Variants in PRKG1 observed in about 807,000 individuals in gnomAD.
PRKG1 encodes protein kinase cGMP-dependent 1.
Under a neutral mutation model 88.1 loss-of-function variants are expected in PRKG1, and 35 were observed. That is an observed-to-expected ratio of 0.40 (90% CI 0.30 to 0.53). The LOEUF (loss-of-function observed/expected upper bound fraction) is 0.53, where lower values mean the gene tolerates loss of function less well. PRKG1 is among the 20% of genes least tolerant of loss of function. The pLI, the probability that PRKG1 is intolerant of heterozygous loss-of-function variation, is 0.59. For synonymous variants in PRKG1, 303 were observed against 292.5 expected, an observed-to-expected ratio of 1.04 and a Z score of -0.37; for missense variants, 540 against 839.8, an observed-to-expected ratio of 0.64 and a Z score of 4.41.
At chr10:51,658,232 T>C (rs1032108855) in intron 3 of PRKG1, among the ~76,000 whole-genome samples, 20 of 152,146 alleles carry the variant, frequency 1.3e-4, no homozygotes, top group Non-Finnish European at 2.9e-5. Context: ...AGACTCTCTT[T>C]ATGACAAGTC....
chr10:51,244,298 C>T (rs1368678275), intron 2 of PRKG1, among the ~76,000 whole-genome samples: 8 of 147,350 alleles, frequency 5.4e-5, no homozygotes, highest in Non-Finnish European at 1.0e-4. Flanking sequence ...TAGGAATATT[C>T]CCTTTCTTCC....
intron 3 of PRKG1, among the ~76,000 whole-genome samples, chr10:51,551,293 C>G (rs1339602854): frequency 6.6e-6 from 1 of 151,736 alleles, no homozygotes; most frequent in Non-Finnish European, 1.5e-5. Context: ...CAAAGTTTTT[C>G]TCTGTTATTA....
chr10:51,026,930 A>G (rs950165326), intron 1 of PRKG1, among the ~76,000 whole-genome samples: 6 of 152,194 alleles, frequency 3.9e-5, no homozygotes, highest in African/African-American at 1.2e-4. Flanking sequence ...CAGATATATT[A>G]CCCAAATTGT....
chr10:51,961,003 TTATCACACAGGC>T (rs1246387663), intron 5 of PRKG1, among the ~76,000 whole-genome samples: 8 of 152,206 alleles, frequency 5.3e-5, no homozygotes, highest in Non-Finnish European at 1.2e-4. Context: ...AGTCTTCATG[TTATCACACAGGC>T]TATTAAGTGC....
At chr10:51,069,938 G>A (rs553938725), upstream of PRKG1, among the ~76,000 whole-genome samples, 20 of 152,138 alleles carry the variant, frequency 1.3e-4, no homozygotes, top group South Asian at 2.7e-3. Context: ...ATGTAATCTT[G>A]TTGAAATAAA....
chr10:51,484,692 C>T (rs748251726), intron 3 of PRKG1, among the ~76,000 whole-genome samples: 1 of 152,178 alleles, frequency 6.6e-6, no homozygotes, highest in Non-Finnish European at 1.5e-5. Flanking sequence ...GGCAGACTTC[C>T]TCTACTAGTT....
At chr10:51,263,554 A>AAACACTGT (rs201680236) in intron 2 of PRKG1, among the ~76,000 whole-genome samples, 1,782 of 152,282 alleles carry the variant, frequency 0.012, 33 homozygotes, top group African/African-American at 0.039. Flanking sequence ...TTTATTATGG[A>AAACACTGT]AACACTGTAA....
chr10:51,021,552 T>G (rs909169939), intron 1 of PRKG1, among the ~76,000 whole-genome samples: 2 of 152,234 alleles, frequency 1.3e-5, no homozygotes, highest in Non-Finnish European at 2.9e-5. Context: ...CTAGTCATGT[T>G]GGAAATCTTT....
intron 3 of PRKG1, among the ~76,000 whole-genome samples, chr10:51,603,829 A>T (rs1282339215): frequency 6.6e-6 from 1 of 152,136 alleles, no homozygotes; most frequent in Admixed American, 6.5e-5. Flanking sequence ...GAGATCAGAG[A>T]AGGCCTCTTG....
At chr10:51,940,644 A>C (rs1391593369) in intron 5 of PRKG1, among the ~76,000 whole-genome samples, 1 of 151,874 alleles carries the variant, frequency 6.6e-6, no homozygotes, top group African/African-American at 2.4e-5. Flanking sequence ...GAGTCATTTA[A>C]ACATGCAAGT....
At chr10:52,241,278 G>A (rs1194500) in intron 9 of PRKG1, among the ~76,000 whole-genome samples, 136,492 of 152,200 alleles carry the variant, frequency 0.9, 61,657 homozygotes, top group East Asian at 1. Context: ...GATTGGGAAG[G>A]GGACGATTGA....
Position 52,068,787 on chromosome 10 carries a change from CATTG to C in PRKG1, c.935+6162_935+6165del, listed in dbSNP as rs143961297. 2.0e-5 allele frequency among the ~76,000 whole-genome samples: 3 copies of C among 152,290 alleles called. No homozygotes were observed. In the East Asian group the frequency reaches 5.8e-4, roughly 29 times the overall value. ...AGCATTAGATTTTGAGTCAACCACTCATTGATTGACTTTCAGCAAGCCAGTTAAG... is the reference window on the plus strand; with the variant it reads ...AGCATTAGATTTTGAGTCAACCACTCATTGACTTTCAGCAAGCCAGTTAAG... On this transcript the variant is annotated intron_variant, in intron 7 of 17. Coordinates refer to ENST00000373980, the MANE Select transcript of PRKG1 (RefSeq NM_006258.4).
chr10:52,201,535 C>CT (rs1275771395), intron 9 of PRKG1, among the ~76,000 whole-genome samples: 1 of 151,782 alleles, frequency 6.6e-6, no homozygotes, highest in Non-Finnish European at 1.5e-5. Context: ...AGCTACTGGG[C>CT]TTTTTTTGGC....
At chr10:51,778,993 G>A (rs1165736847) in intron 3 of PRKG1, among the ~76,000 whole-genome samples, 4 of 152,134 alleles carry the variant, frequency 2.6e-5, no homozygotes, top group African/African-American at 9.7e-5. Flanking sequence ...CTGGAAAAGA[G>A]GTATTCGGGT....
intron 1 of PRKG1, among the ~76,000 whole-genome samples, chr10:51,139,141 G>A (rs1341514191): frequency 2.0e-5 from 3 of 151,954 alleles, no homozygotes; most frequent in African/African-American, 7.3e-5. Context: ...TTTCTTTCTG[G>A]GTAAGTCTGC....
intron 9 of PRKG1, among the ~76,000 whole-genome samples, chr10:52,203,913 T>C (rs1279596396): frequency 2.0e-5 from 3 of 152,202 alleles, no homozygotes; most frequent in South Asian, 2.1e-4. Flanking sequence ...ATGAGAGTCA[T>C]TGCATGTGAG....
rs559030245 is a variant in PRKG1 at position 51,803,182 on chromosome 10, G to A, written c.593-1403G>A. On this transcript the variant is annotated intron_variant, in intron 3 of 17. Transcript: ENST00000373980. The stretch of plus-strand genomic sequence containing the variant: ...AGAAAAGAGTCTGGAGGCAGCAGAT[G>A]TATTAGAATCTGGCTGAAGGATACC... Among the ~76,000 whole-genome samples the A allele has an allele frequency of 1.4e-4, 21 of 152,250 alleles. No individual in the cohort carries two copies. The South Asian group carries it at 4.1e-3, about 30-fold the overall frequency.
At chr10:52,106,712 A>AATAATC (rs1325809534) in intron 7 of PRKG1, among the ~76,000 whole-genome samples, 1 of 67,434 alleles carries the variant, frequency 1.5e-5, no homozygotes, top group Non-Finnish European at 4.2e-5. Flanking sequence ...CCAAAATAAT[A>AATAATC]ATAATAATAA....
chr10:51,650,002 A>G (rs185564732), intron 3 of PRKG1, among the ~76,000 whole-genome samples: 16 of 152,286 alleles, frequency 1.1e-4, no homozygotes, highest in African/African-American at 2.6e-4. Flanking sequence ...TCTCTTGCCT[A>G]TGGTGCCGGC....
Sources: gnomAD v4.1 joint callset for allele counts (sites outside exome capture counted in the v4.1 genomes callset) on GRCh38, gnomAD v4.1.1 for gene constraint, MANE v1.5 for transcripts, NCBI Gene and HGNC (gene_info 2026-07-23, HGNC 2026-07-21) for gene names.